PALM2AKAP2: variants seen among roughly 807,000 people sequenced by gnomAD.
PALM2AKAP2 encodes the protein PALM2-AKAP2 fusion protein.
A neutral mutation model predicts 71.5 loss-of-function variants in PALM2AKAP2; 37 were observed. The ratio of observed to expected loss-of-function variants is 0.52; its 90% CI spans 0.40 to 0.68. The LOEUF (loss-of-function observed/expected upper bound fraction) is 0.68. Among genes scored for constraint, PALM2AKAP2 ranks in the 30% least tolerant of loss-of-function variants. The probability of loss-of-function intolerance (pLI) is 0.00; values close to 1 mark genes in which losing one functional copy is unlikely to be tolerated. For synonymous variants in PALM2AKAP2, 468 were observed against 478.8 expected (o/e 0.98, Z 0.29); for missense variants, 1,224 against 1,191.8 (o/e 1.03, Z -0.40).
chr9:109,650,217 A>C (rs1564101386), intron 1 of PALM2AKAP2, among the ~76,000 whole-genome samples: 2 of 152,046 alleles, frequency 1.3e-5, no homozygotes, highest in Non-Finnish European at 1.5e-5. Context: ...TCTCACCACC[A>C]AACATTGGGC....
At chr9:109,917,924 G>A (rs1297936741) in intron 3 of PALM2AKAP2, among the ~76,000 whole-genome samples, 1 of 151,998 alleles carries the variant, frequency 6.6e-6, no homozygotes, top group Non-Finnish European at 1.5e-5. Flanking sequence ...TTTTCAGGTG[G>A]GCATGTTGCC....
At chr9:110,111,737 C>T (rs561590385) in intron 1 of PALM2AKAP2, among the ~76,000 whole-genome samples, 1 of 151,466 alleles carries the variant, frequency 6.6e-6, no homozygotes, top group South Asian at 2.1e-4. Context: ...TTGCATCCAG[C>T]GTGCTCAGAA....
rs1833152153 is a variant in PALM2AKAP2, at chr9:110,025,077, G to A, written c.582+9038G>A. 5 of 1,104,596 alleles carry A rather than the reference G, an allele frequency of 4.5e-6. No individual in the cohort carries two copies. In the South Asian group the frequency reaches 4.9e-5, roughly 11 times the overall value. 68.4% of individuals were successfully genotyped at this position (1,104,596 alleles called of 1,614,324 possible). On this transcript the variant is annotated intron_variant, in intron 7 of 9. Transcript: ENST00000302798. ...GCTATCTCGGCTCAGAGTGCTTAAT[G>A]TGCTCAATATGCACATTAATTCTCT...
intron 1 of PALM2AKAP2, among the ~76,000 whole-genome samples, chr9:109,852,173 C>G (rs955460387): frequency 2.0e-5 from 3 of 151,976 alleles, no homozygotes; most frequent in African/African-American, 7.3e-5. Flanking sequence ...TTGTGTGATG[C>G]TGAGGTTTAG....
rs569648552 is a variant in PALM2AKAP2 at position 109,903,678 on chromosome 9, A to G, written c.258-20057A>G. The stretch of plus-strand genomic sequence containing the variant: ...CAGCTGTCTCCTCCCAGCTTTACCT[A>G]AATTCCCACATGTGCTACCTCAGTT... On this transcript the variant is annotated intron_variant, in intron 3 of 9. Coordinates refer to the PALM2AKAP2 transcript ENST00000302798. Among the ~76,000 whole-genome samples the G allele has an allele frequency of 5.9e-5, 9 of 152,276 alleles. No individual in the cohort carries two copies. The South Asian group carries it at 1.7e-3, about 28-fold the overall frequency.
chr9:109,874,167 G>A (rs1829667630), intron 2 of PALM2AKAP2, among the ~76,000 whole-genome samples: 1 of 152,116 alleles, frequency 6.6e-6, no homozygotes, highest in Non-Finnish European at 1.5e-5. Flanking sequence ...AGCCTCCGTG[G>A]ATGAATAAAA....
intron 1 of PALM2AKAP2, among the ~76,000 whole-genome samples, chr9:110,055,782 C>A (rs917177689): frequency 6.6e-6 from 1 of 152,130 alleles, no homozygotes; most frequent in African/African-American, 2.4e-5. Flanking sequence ...CTGGAGTGCC[C>A]TGGGTTGGTT....
upstream of PALM2AKAP2, among the ~76,000 whole-genome samples, chr9:109,775,532 C>T (rs1422188831): frequency 3.3e-5 from 5 of 152,320 alleles, no homozygotes; most frequent in Non-Finnish European, 7.4e-5. Flanking sequence ...GCAATGTTCT[C>T]CTTCTTTTGA....
chr9:110,141,645 G>C (rs1296500664), intron 2 of PALM2AKAP2, among the ~76,000 whole-genome samples: 3 of 152,202 alleles, frequency 2.0e-5, no homozygotes, highest in African/African-American at 7.2e-5. Context: ...CAGTGGTTTT[G>C]TGAATGGAGG....
chr9:109,711,571 G>A (rs1454397602), intron 1 of PALM2AKAP2, among the ~76,000 whole-genome samples: 1 of 152,234 alleles, frequency 6.6e-6, no homozygotes, highest in Non-Finnish European at 1.5e-5. Context: ...GAAGGATTAT[G>A]AGGGCCCCAA....
intron 1 of PALM2AKAP2, among the ~76,000 whole-genome samples, chr9:110,092,926 A>T (rs1379693462): frequency 1.3e-5 from 2 of 151,862 alleles, no homozygotes; most frequent in Non-Finnish European, 2.9e-5. Context: ...GCTCCTTATG[A>T]CCCCCAGGGA....
At chr9:109,670,777 A>G (rs1827560630) in intron 1 of PALM2AKAP2, among the ~76,000 whole-genome samples, 1 of 152,138 alleles carries the variant, frequency 6.6e-6, no homozygotes, top group South Asian at 2.1e-4. Context: ...CCTCACCAGC[A>G]TCTTTTATTT....
chr9:109,710,222 G>T (rs1828211673), intron 1 of PALM2AKAP2, among the ~76,000 whole-genome samples: 1 of 152,220 alleles, frequency 6.6e-6, no homozygotes, highest in Non-Finnish European at 1.5e-5. Flanking sequence ...ATAAATTTCT[G>T]TTGTTTTTGG....
chr9:109,800,772 C>T (rs891937093), intron 1 of PALM2AKAP2, among the ~76,000 whole-genome samples: 1 of 152,166 alleles, frequency 6.6e-6, no homozygotes, highest in African/African-American at 2.4e-5. Context: ...TATTTGTAAC[C>T]TTTTATTGAT....
chr9:109,966,939 G>A (rs1831961121), intron 6 of PALM2AKAP2, among the ~76,000 whole-genome samples: 1 of 152,194 alleles, frequency 6.6e-6, no homozygotes, highest in South Asian at 2.1e-4. Context: ...CCATCACGGT[G>A]TTTCTAGGAT....
rs149096970 is a variant in PALM2AKAP2, at chr9:109,838,360, C to T, written c.46-29131C>T. Among the ~76,000 whole-genome samples the T allele has an allele frequency of 3.0e-3, 452 of 152,102 alleles. 2 individuals are homozygous for T. Among genetic ancestry groups the T allele is most frequent in the African/African-American group, 9.4e-3 (390 of 41,504 alleles). On this transcript the variant is annotated intron_variant, in intron 1 of 9. Coordinates refer to the PALM2AKAP2 transcript ENST00000302798. The stretch of plus-strand genomic sequence containing the variant: ...CAAAGACACAACATACCAGAATCTC[C>T]GGGACATATTTAAAGCAGTGTGTAG...
chr9:109,914,617 T>C (rs1261855630), intron 3 of PALM2AKAP2, among the ~76,000 whole-genome samples: 1 of 152,212 alleles, frequency 6.6e-6, no homozygotes, highest in Non-Finnish European at 1.5e-5. Flanking sequence ...TGCTCAACTA[T>C]GAAACTGCAG....
chr9:109,746,846 C>T (rs1163059784), intron 1 of PALM2AKAP2, among the ~76,000 whole-genome samples: 3 of 152,174 alleles, frequency 2.0e-5, no homozygotes, highest in Non-Finnish European at 4.4e-5. Flanking sequence ...GATGTGGCTT[C>T]TAGTTGGCAG....
chr9:109,920,194 T>C (rs527917379), intron 3 of PALM2AKAP2, among the ~76,000 whole-genome samples: 11 of 152,186 alleles, frequency 7.2e-5, no homozygotes, highest in Non-Finnish European at 1.3e-4. Context: ...CACATCCTAT[T>C]GGCTAAAGCA....
Sources: allele counts gnomAD v4.1 joint callset (sites outside exome capture counted in the v4.1 genomes callset), GRCh38; gene constraint gnomAD v4.1.1; transcripts MANE v1.5; gene names NCBI Gene and HGNC (gene_info 2026-07-23, HGNC 2026-07-21).